The following CRIM1 variants were observed in gnomAD, a reference collection of about 807,000 sequenced individuals.
CRIM1 encodes cysteine-rich motor neuron 1 protein.
Under a neutral mutation model 116.4 loss-of-function variants are expected in CRIM1, and 32 were observed. The ratio of observed to expected loss-of-function variants is 0.27; its 90% CI spans 0.21 to 0.37. CRIM1 has a LOEUF of 0.37. Ranked by LOEUF, CRIM1 falls within the 10% of genes least tolerant of loss-of-function variation. CRIM1 has a pLI of 1.00. For synonymous variants in CRIM1, 590 were observed against 509.2 expected, an observed-to-expected ratio of 1.16 and a Z score of -2.13; for missense variants, 1,331 against 1,354.8, an observed-to-expected ratio of 0.98 and a Z score of 0.28.
chr2:36,493,790 A>G (rs887455939), intron 7 of CRIM1, among the ~76,000 whole-genome samples: 3 of 152,192 alleles, frequency 2.0e-5, no homozygotes, highest in African/African-American at 7.2e-5. Flanking sequence ...ATCCATTAAT[A>G]TTGTCATTTA....
intron 1 of CRIM1, among the ~76,000 whole-genome samples, chr2:36,381,304 G>A (rs1055330307): frequency 6.6e-6 from 1 of 152,194 alleles, no homozygotes; most frequent in Non-Finnish European, 1.5e-5. Context: ...GCTGCCCAGC[G>A]CGGCCCCACA....
intron 7 of CRIM1, among the ~76,000 whole-genome samples, chr2:36,483,558 C>CAGTGTG (rs2125054500): frequency 6.6e-6 from 1 of 152,288 alleles, no homozygotes; most frequent in Admixed American, 6.5e-5. Flanking sequence ...AGTGACAGCA[C>CAGTGTG]AGTGTGTCCC....
chr2:36,478,030 T>C (rs1679119748), intron 6 of CRIM1, among the ~76,000 whole-genome samples: 1 of 152,234 alleles, frequency 6.6e-6, no homozygotes, highest in Non-Finnish European at 1.5e-5. Context: ...ATCTTATGCC[T>C]GATCTCTGCA....
chr2:36,548,217 C>T (rs1166477412), intron 16 of CRIM1, among the ~76,000 whole-genome samples: 1 of 151,664 alleles, frequency 6.6e-6, no homozygotes, highest in Non-Finnish European at 1.5e-5. Context: ...TCTTCAGCCC[C>T]CTTGAAACAC....
At chr2:36,525,226 C>T (rs896263214) in intron 13 of CRIM1, among the ~76,000 whole-genome samples, 3 of 152,164 alleles carry the variant, frequency 2.0e-5, no homozygotes, top group African/African-American at 7.2e-5. Context: ...ATTTACTTTG[C>T]AAGTAGCGTT....
chr2:36,530,572 T>G (rs1666045283), intron 13 of CRIM1, among the ~76,000 whole-genome samples: 1 of 152,156 alleles, frequency 6.6e-6, no homozygotes, highest in Non-Finnish European at 1.5e-5. Flanking sequence ...CTTTGTGGCT[T>G]AGAGAGTGCT....
At chr2:36,543,009 C>A (rs952934255) in intron 14 of CRIM1, among the ~76,000 whole-genome samples, 2 of 152,150 alleles carry the variant, frequency 1.3e-5, no homozygotes, top group Non-Finnish European at 2.9e-5. Context: ...TCAGTAACTT[C>A]TATTTTTAAT....
chr2:36,495,402 A>G (rs1448053502), intron 7 of CRIM1, among the ~76,000 whole-genome samples: 1 of 152,090 alleles, frequency 6.6e-6, no homozygotes, highest in Non-Finnish European at 1.5e-5. Context: ...GAATGCTCTA[A>G]CTTTTAGACA....
intron 1 of CRIM1, among the ~76,000 whole-genome samples, chr2:36,372,160 A>G (rs1669984565): frequency 6.6e-6 from 1 of 152,212 alleles, no homozygotes; most frequent in South Asian, 2.1e-4. Flanking sequence ...ATCCTAAGCC[A>G]ACAACCTGAG....
chr2:36,481,009 A>G (rs1372426860), intron 7 of CRIM1, among the ~76,000 whole-genome samples: 1 of 152,256 alleles, frequency 6.6e-6, no homozygotes, highest in South Asian at 2.1e-4. Context: ...ATTAGGGACA[A>G]TCTGTTGCCA....
intron 1 of CRIM1, among the ~76,000 whole-genome samples, chr2:36,373,239 A>G (rs1210538511): frequency 6.6e-6 from 1 of 152,218 alleles, no homozygotes; most frequent in Non-Finnish European, 1.5e-5. Flanking sequence ...TTCCTCAGAC[A>G]TTAGTAGAGT....
chr2:36,436,027 G>C (rs1200538846), intron 2 of CRIM1, among the ~76,000 whole-genome samples: 1 of 151,750 alleles, frequency 6.6e-6, no homozygotes, highest in Non-Finnish European at 1.5e-5. Context: ...TAGGGAAAGA[G>C]TTAGGAGAGA....
chr2:36,391,813 T>G (rs76897523), intron 1 of CRIM1, among the ~76,000 whole-genome samples: 3 of 146,668 alleles, frequency 2.0e-5, no homozygotes, highest in Non-Finnish European at 3.0e-5. Context: ...AAAAAAAAAA[T>G]GGTACATAAA....
At chr2:36,448,182 C>T (rs1041229702) in intron 4 of CRIM1, among the ~76,000 whole-genome samples, 8 of 152,156 alleles carry the variant, frequency 5.3e-5, no homozygotes, top group Admixed American at 3.9e-4. Flanking sequence ...CTGATAAAAC[C>T]GGGTCCATTT....
chr2:36,386,909 A>G (rs991379329), intron 1 of CRIM1, among the ~76,000 whole-genome samples: 4 of 152,008 alleles, frequency 2.6e-5, no homozygotes, highest in African/African-American at 9.7e-5. Flanking sequence ...GAGAACAGCC[A>G]TGAATGTCAT....
At chr2:36,383,975 T>A (rs1670979057) in intron 1 of CRIM1, among the ~76,000 whole-genome samples, 2 of 152,198 alleles carry the variant, frequency 1.3e-5, no homozygotes, top group Admixed American at 1.3e-4. Context: ...CAAAAATTCT[T>A]ACCAACTGGA....
chr2:36,548,798 T>C lies in CRIM1; in HGVS notation c.*97T>C, dbSNP rs548251637. On this transcript the variant is annotated 3_prime_UTR_variant, in exon 17 of 17. Transcript: ENST00000280527. ...TTGTGCACTTGCTTAGTGGATTGTATTGGATTGTGACTTGATGTACAGCGC... is the reference window on the plus strand; with the variant it reads ...TTGTGCACTTGCTTAGTGGATTGTACTGGATTGTGACTTGATGTACAGCGC... The C allele has an allele frequency of 2.9e-6, 3 of 1,037,366 alleles. No individual in the cohort carries two copies. Among genetic ancestry groups the C allele is most frequent in the Admixed American group, 5.0e-5 (2 of 40,278 alleles). The allele number at this position is 1,037,366 out of a possible 1,614,324, so 64.3% of individuals were successfully genotyped here. A position where few individuals can be genotyped will look rare whatever the true frequency, so the allele number is the denominator to read the frequency against.
intron 1 of CRIM1, among the ~76,000 whole-genome samples, chr2:36,360,440 A>G (rs1176919852): frequency 6.6e-6 from 1 of 150,914 alleles, no homozygotes; most frequent in African/African-American, 2.5e-5. Context: ...ATTGCTATCT[A>G]AAAACGACCT....
Position 36,448,248 on chromosome 2 carries a change from T to C in CRIM1, c.869+5513T>C, listed in dbSNP as rs564927233. On this transcript the variant is annotated intron_variant, in intron 4 of 16. Coordinates refer to ENST00000280527, the MANE Select transcript of CRIM1 (RefSeq NM_016441.3). ...GAATAGAGATTCTCCTCTGTAATGG[T>C]TGAGCTTACCTGAGAGAAATGGATT... is the stretch of plus-strand genomic sequence containing the variant. Among the ~76,000 whole-genome samples the C allele has an allele frequency of 5.3e-5, 8 of 152,340 alleles. 1 individual carries two copies. Among genetic ancestry groups the C allele is most frequent in the African/African-American group, 1.7e-4 (7 of 41,586 alleles).
Sources: gnomAD v4.1 joint callset for allele counts (sites outside exome capture counted in the v4.1 genomes callset) on GRCh38, gnomAD v4.1.1 for gene constraint, MANE v1.5 for transcripts, NCBI Gene and HGNC (gene_info 2026-07-23, HGNC 2026-07-21) for gene names.